The following DIXDC1 variants were observed in gnomAD, a reference collection of about 807,000 sequenced individuals.
DIXDC1 encodes the protein dixin.
Under a neutral mutation model 103.1 loss-of-function variants are expected in DIXDC1, and 64 were observed. That is an observed-to-expected ratio of 0.62 (90% CI 0.51 to 0.76). DIXDC1 has a LOEUF of 0.76. DIXDC1 is among the 30% of genes least tolerant of loss of function. DIXDC1 has a pLI of 0.00. For synonymous variants in DIXDC1, 266 were observed against 298.5 expected, an observed-to-expected ratio of 0.89 and a Z score of 1.12; for missense variants, 759 against 834.2, an observed-to-expected ratio of 0.91 and a Z score of 1.11.
chr11:111,963,017 T>A (rs1176822510), intron 1 of DIXDC1, among the ~76,000 whole-genome samples: 1 of 152,232 alleles, frequency 6.6e-6, no homozygotes, highest in East Asian at 1.9e-4. Context: ...AGACCCTTGG[T>A]AAATGCATGG....
intron 14 of DIXDC1, among the ~76,000 whole-genome samples, chr11:111,994,485 A>G (rs1339846804): frequency 1.3e-5 from 2 of 151,450 alleles, no homozygotes; most frequent in African/African-American, 4.9e-5. Flanking sequence ...ACATATATAT[A>G]CACACACATA....
At chr11:111,945,256 C>T (rs965102501) in intron 1 of DIXDC1, among the ~76,000 whole-genome samples, 12 of 152,158 alleles carry the variant, frequency 7.9e-5, no homozygotes, top group African/African-American at 2.7e-4. Context: ...CCTATGGCAA[C>T]GTCTAAGTTT....
chr11:111,997,822 A>G (rs1329511547), intron 17 of DIXDC1, among the ~76,000 whole-genome samples: 2 of 152,246 alleles, frequency 1.3e-5, no homozygotes, highest in African/African-American at 2.4e-5. Context: ...ATGTTAATCT[A>G]ATGCTTCCAG....
chr11:112,014,759 AAATT>A (rs1861535800), intron 17 of DIXDC1, among the ~76,000 whole-genome samples: 1 of 152,250 alleles, frequency 6.6e-6, no homozygotes, highest in Admixed American at 6.5e-5. Flanking sequence ...ATGAATGAAT[AAATT>A]AAATATATAG....
chr11:111,977,665 A>T lies in DIXDC1; in HGVS notation c.656+2682A>T. ...TGGCCTTCCCGTGGAGGCGTTTTCC[A>T]GCCCCAGCGCGGGGAGACATGCCTG... On this transcript the variant is annotated intron_variant, in intron 5 of 19. Transcript: ENST00000440460. This position sits in a 1 kb window ranked among gnomAD's most constrained non-coding sequence, Gnocchi z 6.1. The T allele has an allele frequency of 5.8e-6, 9 of 1,546,274 alleles. No individual in the cohort carries two copies. Among genetic ancestry groups the T allele is most frequent in the Non-Finnish European group, 7.9e-6 (9 of 1,144,480 alleles).
intron 7 of DIXDC1, among the ~76,000 whole-genome samples, chr11:111,983,188 C>T (rs587703037): frequency 6.6e-6 from 1 of 152,320 alleles, no homozygotes; most frequent in Non-Finnish European, 1.5e-5. Context: ...ATATTCCTTT[C>T]TGTTTGTGCT....
Position 111,977,324 on chromosome 11 carries a change from C to G in DIXDC1, c.656+2341C>G, listed in dbSNP as rs1233827870. The G allele has an allele frequency of 9.5e-6, 10 of 1,047,198 alleles. No individual in the cohort carries two copies. The highest frequency in any genetic ancestry group is 1.2e-5 in the Non-Finnish European group (10 of 869,198). The allele number at this position is 1,047,198 out of a possible 1,614,324, so 64.9% of individuals were successfully genotyped here. A position where few individuals can be genotyped will look rare whatever the true frequency, so the allele number is the denominator to read the frequency against. ...GCGGGGAGGGATCCGGAAGGTGGCA[C>G]GGAGTGGGATCGCCGCTGGGGACTC... On this transcript the variant is annotated intron_variant, in intron 5 of 19. Coordinates refer to ENST00000440460, the MANE Select transcript of DIXDC1 (RefSeq NM_001037954.4). The surrounding 1 kb of genome is among the most constrained non-coding windows in gnomAD (Gnocchi z 6.1).
intron 6 of DIXDC1, 113 bp from the exon 7 acceptor site, chr11:111,982,226 G>A (rs1860328642): frequency 8.3e-7 from 1 of 1,205,206 alleles, no homozygotes; most frequent in Non-Finnish European, 1.1e-6. Context: ...TGTGCTATGA[G>A]AACAGGTTCA....
At chr11:112,004,126 G>A (rs1384667599) in intron 17 of DIXDC1, among the ~76,000 whole-genome samples, 7 of 149,716 alleles carry the variant, frequency 4.7e-5, no homozygotes, top group Admixed American at 3.3e-4. Flanking sequence ...ATATATATAT[G>A]TGTGTGTATA....
At position 111,989,625 on chromosome 11, in the gene DIXDC1, GA is replaced by G. The variant is rs1351733528; in HGVS notation, c.1113+586del. 4.0e-3 allele frequency among the ~76,000 whole-genome samples: 564 copies of G among 142,524 alleles called. 2 individuals carry two copies. The highest frequency in any genetic ancestry group is 0.014 in the African/African-American group (524 of 36,738). 93.5% of individuals were successfully genotyped at this position (142,524 alleles called of 152,430 possible). A position where few individuals can be genotyped will look rare whatever the true frequency, so the allele number is the denominator to read the frequency against. ...GGTGACAGGGTGAGACTCCGTCTCG[GA>G]AAAAAAAAAAAAAAAGGAATGTCCT... On this transcript the variant is annotated intron_variant, in intron 10 of 19. Transcript: ENST00000440460.
chr11:111,963,213 A>G (rs1422029066), intron 1 of DIXDC1, among the ~76,000 whole-genome samples: 9 of 152,202 alleles, frequency 5.9e-5, no homozygotes, highest in African/African-American at 1.7e-4. Flanking sequence ...GTAAGCGTCA[A>G]TTTTATGTCA....
At chr11:111,989,992 G>T (rs1182860486) in intron 10 of DIXDC1, among the ~76,000 whole-genome samples, 4 of 150,114 alleles carry the variant, frequency 2.7e-5, no homozygotes, top group Admixed American at 1.3e-4. Flanking sequence ...GGGTTTCACC[G>T]TGTTAGCCAG....
At position 111,929,133 on chromosome 11, in the gene DIXDC1, C is replaced by T. The variant is rs187519795; in HGVS notation, c.-36-685C>T. Among the ~76,000 whole-genome samples, 14 of 150,656 alleles carry T rather than the reference C, an allele frequency of 9.3e-5. No homozygotes were observed. In the East Asian group the frequency reaches 2.8e-3, roughly 30 times the overall value. The stretch of plus-strand genomic sequence containing the variant: ...GGCAGAGGTTGCTGTGAGCCGAGCT[C>T]GTGCCACCGCACTCCAGCCTGGGCG... On this transcript the variant is annotated intron_variant, in intron 1 of 5. Coordinates refer to the DIXDC1 transcript ENST00000529225.
At chr11:111,937,788 TA>T (rs2137435213) in intron 1 of DIXDC1, among the ~76,000 whole-genome samples, 1 of 152,302 alleles carries the variant, frequency 6.6e-6, no homozygotes, top group East Asian at 1.9e-4. Context: ...CCTGGTAGCT[TA>T]CCTGAGCCCA....
rs1256978023 is a variant in DIXDC1, at chr11:111,976,889, C to G, written c.656+1906C>G. On this transcript the variant is annotated intron_variant, in intron 5 of 19. Transcript: ENST00000440460. This position sits in a 1 kb window ranked among gnomAD's most constrained non-coding sequence, Gnocchi z 4.3. ...GGGAAGGTGGGAGGGGATAGGTGCT[C>G]GGCGAATTTTCCTGGGGAGCGTCAG... The G allele has an allele frequency of 6.6e-6, 1 of 152,642 alleles. No homozygotes were observed. Among genetic ancestry groups the G allele is most frequent in the Non-Finnish European group, 1.5e-5 (1 of 68,186 alleles). The allele number at this position is 152,642 out of a possible 1,614,324, so 9.5% of individuals were successfully genotyped here.
At chr11:111,988,984 C>G in intron 9 of DIXDC1, 21 bp from the exon 10 acceptor site, 2 of 1,606,766 alleles carry the variant, frequency 1.2e-6, no homozygotes, top group South Asian at 2.2e-5. Flanking sequence ...ACCATCTGAT[C>G]TAACTATATT....
At chr11:111,972,121 C>T (rs1859956489) in intron 3 of DIXDC1, among the ~76,000 whole-genome samples, 1 of 151,950 alleles carries the variant, frequency 6.6e-6, no homozygotes. Flanking sequence ...GCTTCTAAAA[C>T]AAAAGGTGAA....
chr11:112,013,131 G>A (rs1001870533), intron 17 of DIXDC1, among the ~76,000 whole-genome samples: 11 of 152,122 alleles, frequency 7.2e-5, no homozygotes, highest in Non-Finnish European at 1.5e-4. Flanking sequence ...CTTGTAGAAG[G>A]CACGTTGTCT....
chr11:111,955,371 G>A (rs1304883324), intron 1 of DIXDC1, among the ~76,000 whole-genome samples: 2 of 151,046 alleles, frequency 1.3e-5, no homozygotes, highest in African/African-American at 2.4e-5. Flanking sequence ...AAGGAAAGGA[G>A]GGATGGAGGG....
Sources: allele counts gnomAD v4.1 joint callset (sites outside exome capture counted in the v4.1 genomes callset), GRCh38; gene constraint gnomAD v4.1.1; non-coding constraint Gnocchi (gnomAD v3.1); transcripts MANE v1.5; gene names NCBI Gene and HGNC (gene_info 2026-07-23, HGNC 2026-07-21).